The following GABRA5 variants were observed in gnomAD, a reference collection of about 807,000 sequenced individuals.
GABRA5 encodes the protein gamma-aminobutyric acid type A receptor subunit alpha5.
In GABRA5, 18 loss-of-function variants were observed where a neutral mutation model predicts 47.3. The ratio of observed to expected loss-of-function variants is 0.38; its 90% CI spans 0.26 to 0.56. The LOEUF (loss-of-function observed/expected upper bound fraction) is 0.56, where lower values mean the gene tolerates loss of function less well. Among genes scored for constraint, GABRA5 ranks in the 20% least tolerant of loss-of-function variants. The pLI, the probability that GABRA5 is intolerant of heterozygous loss-of-function variation, is 0.71. For synonymous variants in GABRA5, 237 were observed against 229.3 expected (o/e 1.03, Z -0.30); for missense variants, 365 against 599.3 (o/e 0.61, Z 4.08).
chr15:26,873,605 A>G (rs1416870688), intron 3 of GABRA5, among the ~76,000 whole-genome samples: 1 of 152,206 alleles, frequency 6.6e-6, no homozygotes, highest in Non-Finnish European at 1.5e-5. Flanking sequence ...CCCTCACTCA[A>G]GGACAGTTCC....
chr15:26,926,549 G>A (rs1275399114), intron 7 of GABRA5, among the ~76,000 whole-genome samples: 1 of 152,110 alleles, frequency 6.6e-6, no homozygotes, highest in Non-Finnish European at 1.5e-5. Context: ...GCTTCCATGG[G>A]GTGGTTGGGG....
intron 6 of GABRA5, among the ~76,000 whole-genome samples, chr15:26,893,242 G>A (rs1893063038): frequency 1.4e-5 from 2 of 144,200 alleles, no homozygotes; most frequent in Admixed American, 6.9e-5. Flanking sequence ...TGTGGCGTGA[G>A]TGTATATGGT....
chr15:26,914,911 C>A, intron 7 of GABRA5, 26 bp downstream of exon 7: 1 of 1,579,146 alleles, frequency 6.3e-7, no homozygotes, highest in Non-Finnish European at 8.7e-7. Context: ...AAGTAAGAGC[C>A]TTGGACATAT....
In GABRA5 at chr15:26,898,730, C is replaced by CT. The variant is rs368760892; in HGVS notation, c.497+15187dup. Among the ~76,000 whole-genome samples, 1,133 of 142,432 alleles carry CT rather than the reference C, an allele frequency of 8.0e-3. 12 individuals are homozygous for CT. Among genetic ancestry groups the CT allele is most frequent in the East Asian group, 0.068 (333 of 4,892 alleles). 93.4% of individuals were successfully genotyped at this position (142,432 alleles called of 152,430 possible). A position where few individuals can be genotyped will look rare whatever the true frequency, so the allele number is the denominator to read the frequency against. ...CAGTTATCTTTGGGCTTAGCGTGCT[C>CT]TTTTTTTTTTTTTTCTAATGTGTAA... On this transcript the variant is annotated intron_variant, in intron 6 of 10. Transcript: ENST00000335625.
intron 6 of GABRA5, among the ~76,000 whole-genome samples, chr15:26,896,900 T>C (rs1329342429): frequency 1.3e-5 from 2 of 151,730 alleles, no homozygotes; most frequent in East Asian, 1.9e-4. Context: ...AGTTTTATTA[T>C]GTGAATTTAA....
chr15:26,870,602 G>C (rs191724653), intron 3 of GABRA5, among the ~76,000 whole-genome samples: 1 of 152,214 alleles, frequency 6.6e-6, no homozygotes, highest in South Asian at 2.1e-4. Context: ...ATTGGCCGTG[G>C]CTCTTGCCTT....
chr15:26,899,484 C>G (rs1893275377), intron 6 of GABRA5, among the ~76,000 whole-genome samples: 1 of 152,100 alleles, frequency 6.6e-6, no homozygotes, highest in Non-Finnish European at 1.5e-5. Flanking sequence ...AAAGTCTTGT[C>G]AATGTTCTCT....
intron 6 of GABRA5, among the ~76,000 whole-genome samples, chr15:26,902,369 A>G (rs1435744348): frequency 6.6e-6 from 1 of 152,074 alleles, no homozygotes; most frequent in African/African-American, 2.4e-5. Flanking sequence ...TGTTAGATTT[A>G]TACCTAAAGA....
intron 7 of GABRA5, among the ~76,000 whole-genome samples, chr15:26,927,410 C>T (rs1045231294): frequency 3.9e-5 from 6 of 152,210 alleles, no homozygotes; most frequent in African/African-American, 1.4e-4. Context: ...CTGCGCCCGG[C>T]ATATCTGCCT....
At chr15:26,870,462 G>A (rs78575803) in intron 3 of GABRA5, among the ~76,000 whole-genome samples, 18,049 of 152,238 alleles carry the variant, frequency 0.12, 1,102 homozygotes, top group South Asian at 0.18. Flanking sequence ...GCAGAGCTGA[G>A]CTAAGGAAGA....
chr15:26,942,250 G>A (rs147827289), intron 9 of GABRA5, among the ~76,000 whole-genome samples: 146 of 152,316 alleles, frequency 9.6e-4, no homozygotes, highest in South Asian at 5.4e-3. Flanking sequence ...ACACTCAGTG[G>A]ACCCAGTAGC....
chr15:26,908,070 G>A (rs1267032201), intron 6 of GABRA5, among the ~76,000 whole-genome samples: 2 of 152,164 alleles, frequency 1.3e-5, no homozygotes, highest in Non-Finnish European at 2.9e-5. Context: ...TACCTGTATT[G>A]CTAGCATCAG....
chr15:26,888,292 A>G (rs1336957379), intron 6 of GABRA5, among the ~76,000 whole-genome samples: 1 of 152,252 alleles, frequency 6.6e-6, no homozygotes, highest in Non-Finnish European at 1.5e-5. Flanking sequence ...TGCGTCCTCA[A>G]GAGGCTGCCT....
intron 7 of GABRA5, among the ~76,000 whole-genome samples, chr15:26,929,586 G>A (rs1894043137): frequency 6.6e-6 from 1 of 152,228 alleles, no homozygotes; most frequent in Non-Finnish European, 1.5e-5. Context: ...GGCTGTGCTT[G>A]GAAGCCCAGT....
chr15:26,891,368 A>C (rs1051845451), intron 6 of GABRA5, among the ~76,000 whole-genome samples: 2 of 152,230 alleles, frequency 1.3e-5, no homozygotes, highest in African/African-American at 4.8e-5. Context: ...CAGATGTGAT[A>C]AATGAAACAG....
chr15:26,945,640 C>T (rs1894492384), intron 10 of GABRA5, among the ~76,000 whole-genome samples: 5 of 152,200 alleles, frequency 3.3e-5, no homozygotes. Flanking sequence ...CAGGAAGGGC[C>T]TGACTCTGGC....
At chr15:26,906,719 A>G (rs545885876) in intron 6 of GABRA5, among the ~76,000 whole-genome samples, 20 of 152,320 alleles carry the variant, frequency 1.3e-4, no homozygotes, top group African/African-American at 4.8e-4. Context: ...ATTCAGGCTT[A>G]TGTGTATTTT....
chr15:26,935,030 G>GA (rs1295654047), intron 7 of GABRA5, among the ~76,000 whole-genome samples: 7 of 152,188 alleles, frequency 4.6e-5, no homozygotes, highest in African/African-American at 1.7e-4. Flanking sequence ...ACTGCAACCT[G>GA]ATTGCCTCAT....
chr15:26,937,357 A>G, intron 8 of GABRA5, 29 bp downstream of exon 8: 1 of 1,572,306 alleles, frequency 6.4e-7, no homozygotes. Context: ...CTGTGCTGCC[A>G]GGCGCACTCA....
Sources: allele counts gnomAD v4.1 joint callset (sites outside exome capture counted in the v4.1 genomes callset), GRCh38; gene constraint gnomAD v4.1.1; transcripts MANE v1.5; gene names NCBI Gene and HGNC (gene_info 2026-07-23, HGNC 2026-07-21).